NEDD9: variants seen among roughly 807,000 people sequenced by gnomAD.
NEDD9 encodes the protein enhancer of filamentation 1.
In NEDD9, 26 loss-of-function variants were observed where a neutral mutation model predicts 76.6. The observed-to-expected ratio is 0.34, with a 90% CI of 0.25 to 0.47. NEDD9 has a LOEUF of 0.47. Among genes scored for constraint, NEDD9 ranks in the 20% least tolerant of loss-of-function variants. The pLI is 1.00. For missense variants in NEDD9, 937 were observed against 1,058.5 expected (o/e 0.89, Z 1.59); for synonymous variants, 392 against 414.2 (o/e 0.95, Z 0.65).
At chr6:11,200,664 G>C in intron 2 of NEDD9, 2 of 1,201,776 alleles carry the variant, frequency 1.7e-6, no homozygotes, top group Non-Finnish European at 2.1e-6. Flanking sequence ...CAATCTTTAG[G>C]AATGTATAGT....
At chr6:11,333,413 A>C (rs979971494) in intron 2 of NEDD9, among the ~76,000 whole-genome samples, 1 of 152,228 alleles carries the variant, frequency 6.6e-6, no homozygotes, top group African/African-American at 2.4e-5. Flanking sequence ...TTGTCTTCTA[A>C]GTTTTTGGAA....
intron 3 of NEDD9, among the ~76,000 whole-genome samples, chr6:11,270,750 C>T (rs993884341): frequency 2.0e-5 from 3 of 152,206 alleles, no homozygotes; most frequent in Admixed American, 2.0e-4. Flanking sequence ...CAGATACCCT[C>T]ATTAGTTATT....
chr6:11,359,372 C>T (rs904530096), intron 1 of NEDD9, among the ~76,000 whole-genome samples: 1 of 152,246 alleles, frequency 6.6e-6, no homozygotes, highest in Non-Finnish European at 1.5e-5. Context: ...ATTTGGATTT[C>T]TCTGAGTAAG....
At chr6:11,228,619 A>T (rs1759378471) in intron 1 of NEDD9, among the ~76,000 whole-genome samples, 1 of 43,148 alleles carries the variant, frequency 2.3e-5, no homozygotes, top group African/African-American at 1.5e-4. Context: ...GAATTCTGAG[A>T]ACAGGGACTG....
At chr6:11,279,448 G>A (rs964821637) in intron 3 of NEDD9, among the ~76,000 whole-genome samples, 1 of 152,248 alleles carries the variant, frequency 6.6e-6, no homozygotes, top group Non-Finnish European at 1.5e-5. Flanking sequence ...GAAACGGTCC[G>A]CGGCACCGGG....
intron 5 of NEDD9, among the ~76,000 whole-genome samples, chr6:11,188,706 G>T (rs6906952): frequency 0.7 from 105,941 of 152,088 alleles, 37,308 homozygotes; most frequent in East Asian, 0.97. Context: ...CAAGGCAGTA[G>T]TTCCCACTGT....
At chr6:11,342,956 G>A (rs1762301566) in intron 1 of NEDD9, among the ~76,000 whole-genome samples, 1 of 152,110 alleles carries the variant, frequency 6.6e-6, no homozygotes, top group African/African-American at 2.4e-5. Flanking sequence ...GTGGGAGTAG[G>A]AGACTAAATA....
At chr6:11,226,130 C>A (rs964466085) in intron 1 of NEDD9, among the ~76,000 whole-genome samples, 22 of 152,162 alleles carry the variant, frequency 1.4e-4, no homozygotes, top group African/African-American at 5.3e-4. Flanking sequence ...TAATCCTTTG[C>A]AGGCTGTCAT....
chr6:11,312,320 G>A lies in NEDD9; in HGVS notation c.-152-6165C>T, dbSNP rs553381178. 1.1e-4 allele frequency among the ~76,000 whole-genome samples: 17 copies of A among 152,020 alleles called. No homozygotes were observed. The Middle Eastern group carries it at 0.01, about 91-fold the overall frequency. ...GGGCCTCATCCTAATGGTTTCCATT[G>A]TCCATCTTCCCCATGGCCTCATCCT... On this transcript the variant is annotated intron_variant, in intron 2 of 3. Transcript: ENST00000397378.
At chr6:11,371,321 G>GC (rs1762871119) in intron 1 of NEDD9, among the ~76,000 whole-genome samples, 1 of 152,092 alleles carries the variant, frequency 6.6e-6, no homozygotes, top group Non-Finnish European at 1.5e-5. Flanking sequence ...CGCACCTGGT[G>GC]GTGTACATTC....
intron 1 of NEDD9, among the ~76,000 whole-genome samples, chr6:11,229,372 C>G (rs144347881): frequency 0.011 from 1,604 of 152,308 alleles, 39 homozygotes; most frequent in African/African-American, 0.037. Context: ...GCTGAGCCCC[C>G]GCCCGGGCTG....
intron 3 of NEDD9, among the ~76,000 whole-genome samples, chr6:11,253,203 A>G (rs541183246): frequency 3.3e-5 from 5 of 152,358 alleles, no homozygotes; most frequent in Non-Finnish European, 5.9e-5. Context: ...GAATGTGCGC[A>G]GTCGTTGAAC....
At chr6:11,355,751 C>G (rs749857812) in intron 1 of NEDD9, among the ~76,000 whole-genome samples, 4 of 151,834 alleles carry the variant, frequency 2.6e-5, no homozygotes, top group Admixed American at 6.6e-5. Context: ...GACAGAGTCT[C>G]GCTCTGTCGC....
At chr6:11,268,920 A>C (rs1760252155) in intron 3 of NEDD9, among the ~76,000 whole-genome samples, 2 of 152,230 alleles carry the variant, frequency 1.3e-5, no homozygotes, top group African/African-American at 4.8e-5. Flanking sequence ...CTCTGTAAGA[A>C]ATTTCAGTAA....
rs1328677466 is a variant in NEDD9 at position 11,185,470 on chromosome 6, C to T, written c.2197G>A (p.Val733Ile). Residue 733 changes from valine (V) to isoleucine (I), a missense_variant, in exon 7 of 7, where the codon GTC becomes ATC. Physicochemically the swap from Val to Ile is conservative, Grantham distance 29 (BLOSUM62 3). Coordinates refer to ENST00000379446, the MANE Select transcript of NEDD9 (RefSeq NM_006403.4). ...LNAIDALFSC[V>I]SSAQPPRIFV... ...ATTCGCGGGGGCTGGGCTGAGCTGACACAACTGAAGAGTGCGTCAATGGCG... is the reference window on the plus strand; with the variant it reads ...ATTCGCGGGGGCTGGGCTGAGCTGATACAACTGAAGAGTGCGTCAATGGCG... 1 of 1,614,198 alleles carries T rather than the reference C, an allele frequency of 6.2e-7. No individual in the cohort carries two copies. The highest frequency in any genetic ancestry group is 8.5e-7 in the Non-Finnish European group (1 of 1,180,040).
chr6:11,354,440 T>C (rs1201045133), intron 1 of NEDD9, among the ~76,000 whole-genome samples: 2 of 152,172 alleles, frequency 1.3e-5, no homozygotes, highest in Non-Finnish European at 2.9e-5. Context: ...TCTTCAAAAT[T>C]AGAACTGACA....
Position 11,190,949 on chromosome 6 carries a change from C to A in NEDD9, c.920G>T (p.Gly307Val). 6.2e-7 allele frequency: 1 copy of A among 1,614,090 alleles called. No individual in the cohort carries two copies. Among genetic ancestry groups the A allele is most frequent in the Non-Finnish European group, 8.5e-7 (1 of 1,180,024 alleles). ...LSPNHPPPQL[G>V]QSVGSQNDAY... ...GTCGTTCTGAGAGCCCACTGACTGTCCGAGTTGCGGGGGTGGGTGATTCGG... is the reference window on the plus strand; with the variant it reads ...GTCGTTCTGAGAGCCCACTGACTGTACGAGTTGCGGGGGTGGGTGATTCGG... The change falls in exon 5 of 7, where the codon GGA (glycine) becomes GTA (valine). Residue 307 changes from glycine (G) to valine (V), a missense_variant. By Grantham distance (109) the Gly-to-Val change is moderately radical. Coordinates refer to ENST00000379446, the MANE Select transcript of NEDD9 (RefSeq NM_006403.4). This position sits in a 1 kb window ranked among gnomAD's most constrained non-coding sequence, Gnocchi z 5.8.
At position 11,184,952 on chromosome 6, in the gene NEDD9, T is replaced by C. The variant is rs1757938397; in HGVS notation, c.*210A>G. Reference sequence around the variant, plus strand: ...ACAGTTTATGTCTCAGATACTTCTATGTATACATAAGAACCACTCAGGGGG... The same window carrying C: ...ACAGTTTATGTCTCAGATACTTCTACGTATACATAAGAACCACTCAGGGGG... On this transcript the variant is annotated 3_prime_UTR_variant, in exon 7 of 7. Coordinates refer to ENST00000379446, the MANE Select transcript of NEDD9 (RefSeq NM_006403.4). 5.4e-6 allele frequency: 3 copies of C among 556,866 alleles called. No homozygotes were observed. Among genetic ancestry groups the C allele is most frequent in the Non-Finnish European group, 9.0e-6 (3 of 331,602 alleles). 34.5% of individuals were successfully genotyped at this position (556,866 alleles called of 1,614,324 possible).
At chr6:11,378,881 C>G (rs1763012391) in intron 1 of NEDD9, among the ~76,000 whole-genome samples, 1 of 152,232 alleles carries the variant, frequency 6.6e-6, no homozygotes, top group Non-Finnish European at 1.5e-5. Context: ...GCTCACATTG[C>G]TGAGTTACAT....
Sources: allele counts gnomAD v4.1 joint callset (sites outside exome capture counted in the v4.1 genomes callset), GRCh38; gene constraint gnomAD v4.1.1; non-coding constraint Gnocchi (gnomAD v3.1); transcripts MANE v1.5; gene names NCBI Gene and HGNC (gene_info 2026-07-23, HGNC 2026-07-21).